Variants in KRT222 observed in about 807,000 individuals in gnomAD.
The protein encoded by KRT222 is keratin-like protein KRT222.
A neutral mutation model predicts 35.0 loss-of-function variants in KRT222; 23 were observed. The observed-to-expected ratio is 0.66, with a 90% CI of 0.47 to 0.93. The LOEUF is 0.93. Among genes scored for constraint, KRT222 ranks in the 40% least tolerant of loss-of-function variants. The probability of loss-of-function intolerance (pLI) is 0.00; values close to 1 mark genes in which losing one functional copy is unlikely to be tolerated. For synonymous variants in KRT222, 108 were observed against 118.8 expected (o/e 0.91, Z 0.59); for missense variants, 339 against 346.3 (o/e 0.98, Z 0.17).
At chr17:40,657,829 C>A in intron 3 of KRT222, 79 bp from the exon 4 acceptor site, 3 of 923,438 alleles carry the variant, frequency 3.2e-6, no homozygotes, top group South Asian at 3.0e-5. Flanking sequence ...ATGGATAAAT[C>A]GTATATTCAC....
intron 5 of KRT222, 80 bp downstream of exon 5, chr17:40,657,272 G>T: frequency 1.1e-6 from 1 of 918,052 alleles, no homozygotes; most frequent in Non-Finnish European, 1.5e-6. Flanking sequence ...AAACAAAGAA[G>T]AGTAATTACT....
Position 40,657,396 on chromosome 17 carries a change from A to T in KRT222, c.615T>A (p.Asn205Lys). The T allele has an allele frequency of 6.2e-7, 1 of 1,611,154 alleles. No individual in the cohort carries two copies. Among genetic ancestry groups the T allele is most frequent in the Non-Finnish European group, 8.5e-7 (1 of 1,178,872 alleles). ...CAGTGCTCTCCTTAACGATACTCCC[A>T]TTTAAGATTGCCTGTTTGGTTACTG... Reference protein sequence around the residue: ...VETVTKQAILNGSIVKESTEA... With the variant: ...VETVTKQAILKGSIVKESTEA... Residue 205 changes from asparagine to lysine, a missense_variant, in exon 5 of 6, where the codon AAT (asparagine) becomes AAA (lysine). By Grantham distance (94) the Asn-to-Lys change is moderately conservative. Transcript: ENST00000394052.
chr17:40,657,295 A>G, intron 5 of KRT222, 57 bp downstream of exon 5: 1 of 1,228,002 alleles, frequency 8.1e-7, no homozygotes, highest in Non-Finnish European at 1.1e-6. Context: ...GATTACGCAA[A>G]GTTAATTTCT....
intron 1 of KRT222, among the ~76,000 whole-genome samples, chr17:40,662,297 T>C (rs965371919): frequency 1.3e-5 from 2 of 152,222 alleles, no homozygotes; most frequent in African/African-American, 2.4e-5. Context: ...CTGTGAAATA[T>C]GGAAAAATAC....
intron 1 of KRT222, 109 bp downstream of exon 1, chr17:40,664,895 T>C: frequency 6.4e-7 from 1 of 1,561,858 alleles, no homozygotes; most frequent in Non-Finnish European, 8.6e-7. Flanking sequence ...CCCCAATAGA[T>C]GCTGCATCGA....
chr17:40,662,963 AC>A (rs1472731652), intron 1 of KRT222, among the ~76,000 whole-genome samples: 1 of 152,128 alleles, frequency 6.6e-6, no homozygotes, highest in Admixed American at 6.5e-5. Context: ...TTTTAAAAAA[AC>A]GTTGAAGTAA....
intron 1 of KRT222, among the ~76,000 whole-genome samples, chr17:40,664,128 T>G (rs1291488255): frequency 6.6e-6 from 1 of 152,198 alleles, no homozygotes; most frequent in East Asian, 1.9e-4. Context: ...AACTTTTTGC[T>G]GTATTTCAGG....
intron 1 of KRT222, among the ~76,000 whole-genome samples, chr17:40,662,568 A>G (rs1322335473): frequency 6.6e-6 from 1 of 152,246 alleles, no homozygotes; most frequent in Non-Finnish European, 1.5e-5. Context: ...GTTATAGGCA[A>G]TAAGGCTCAC....
intron 1 of KRT222, among the ~76,000 whole-genome samples, chr17:40,664,011 A>G (rs1235745390): frequency 6.6e-6 from 1 of 152,170 alleles, no homozygotes; most frequent in African/African-American, 2.4e-5. Flanking sequence ...AATGTTATCT[A>G]GAGGTGAAAT....
At chr17:40,660,798 C>T (rs2037378938) in intron 2 of KRT222, among the ~76,000 whole-genome samples, 1 of 149,350 alleles carries the variant, frequency 6.7e-6, no homozygotes, top group African/African-American at 2.5e-5. Context: ...TATTATCACT[C>T]TGAATTATCT....
chr17:40,658,491 A>G (rs2037360035), intron 3 of KRT222, among the ~76,000 whole-genome samples: 1 of 152,128 alleles, frequency 6.6e-6, no homozygotes, highest in African/African-American at 2.4e-5. Flanking sequence ...ACAATGTGCC[A>G]GGTATTGTTT....
chr17:40,662,181 T>C (rs1212458855), intron 1 of KRT222, 137 bp from the exon 2 acceptor site: 1 of 1,013,102 alleles, frequency 9.9e-7, no homozygotes, highest in Non-Finnish European at 1.4e-6. Flanking sequence ...TTATAATGTG[T>C]GTCCTAGTGC....
chr17:40,661,921 C>G lies in KRT222; in HGVS notation c.220G>C (p.Ala74Pro). 1 of 1,614,098 alleles carries G rather than the reference C, an allele frequency of 6.2e-7. No individual in the cohort carries two copies. Among genetic ancestry groups the G allele is most frequent in the Non-Finnish European group, 8.5e-7 (1 of 1,179,994 alleles). ...ACTTTTGGGATCATTCTCACCACAG[C>G]ATGGAGAGATTCAATTTCCACTTGC... ...HLQVEIESLH[A>P]VERGLENSLH... Residue 74 changes from alanine to proline, a missense_variant, in exon 2 of 6, where the codon GCT (alanine) becomes CCT (proline). Physicochemically the swap from Ala to Pro is conservative, Grantham distance 27 (BLOSUM62 -1). Coordinates refer to ENST00000394052, the MANE Select transcript of KRT222 (RefSeq NM_152349.3).
At chr17:40,657,578 T>TG in intron 4 of KRT222, 91 bp from the exon 5 acceptor site, 4 of 1,496,258 alleles carry the variant, frequency 2.7e-6, no homozygotes, top group Non-Finnish European at 3.6e-6. Flanking sequence ...TATTGCTTGT[T>TG]TTTTTTCGAC....
rs1332373419 is a variant in KRT222 at position 40,661,836 on chromosome 17, C to T, written c.225+80G>A. The T allele has an allele frequency of 3.3e-6, 5 of 1,505,980 alleles. No individual in the cohort carries two copies. In the South Asian group the frequency reaches 5.1e-5, roughly 15 times the overall value. 93.3% of individuals were successfully genotyped at this position (1,505,980 alleles called of 1,614,324 possible). On this transcript the variant is annotated intron_variant, in intron 2 of 5. Transcript: ENST00000394052. ...TTTCCAGTTTCTCATGGTAAATAAACAGACATTCATCTTTTCCTTCTCTTA... is the reference window on the plus strand; with the variant it reads ...TTTCCAGTTTCTCATGGTAAATAAATAGACATTCATCTTTTCCTTCTCTTA...
rs753728826 is a variant in KRT222 at position 40,656,650 on chromosome 17, C to T, written c.660-20G>A. On this transcript the variant is annotated intron_variant, in intron 5 of 5. Transcript: ENST00000394052. ...TCTGTCCTGAAATGATAAAATAAAC[C>T]TTTTAATAATGAAGAAGTATGGGTC... 2.1e-6 allele frequency: 3 copies of T among 1,411,046 alleles called. No homozygotes were observed. The highest frequency in any genetic ancestry group is 3.0e-6 in the Non-Finnish European group (3 of 1,000,546). 87.4% of individuals were successfully genotyped at this position (1,411,046 alleles called of 1,614,324 possible).
At chr17:40,661,533 T>C (rs191967910) in intron 2 of KRT222, among the ~76,000 whole-genome samples, 60 of 152,348 alleles carry the variant, frequency 3.9e-4, no homozygotes, top group Middle Eastern at 6.8e-3. Context: ...CCCAAAGTGC[T>C]GGGATTACAG....
At position 40,657,362 on chromosome 17, in the gene KRT222, C is replaced by A; in HGVS notation, c.649G>T (p.Gly217Cys). The A allele has an allele frequency of 6.3e-7, 1 of 1,591,018 alleles. No individual in the cohort carries two copies. Among genetic ancestry groups the A allele is most frequent in the Non-Finnish European group, 8.5e-7 (1 of 1,170,808 alleles). Residue 217 changes from glycine to cysteine, a missense_variant, in exon 5 of 6, where the codon GGC becomes TGC. By Grantham distance (159) the Gly-to-Cys change is radical. Coordinates refer to ENST00000394052, the MANE Select transcript of KRT222 (RefSeq NM_152349.3). ...AGTTTCTTTACTTACTGAATAGTGC[C>A]ATGAGCTTCAGTGCTCTCCTTAACG... ...SIVKESTEAH[G>C]TIQTEKVDEV...
chr17:40,657,921 T>C (rs2037356899), intron 3 of KRT222, among the ~76,000 whole-genome samples, 171 bp from the exon 4 acceptor site: 2 of 152,140 alleles, frequency 1.3e-5, no homozygotes, highest in African/African-American at 4.8e-5. Context: ...AAGAATAATA[T>C]TGAGTGAAAA....
Sources: gnomAD v4.1 joint callset for allele counts (sites outside exome capture counted in the v4.1 genomes callset) on GRCh38, gnomAD v4.1.1 for gene constraint, MANE v1.5 for transcripts, NCBI Gene and HGNC (gene_info 2026-07-23, HGNC 2026-07-21) for gene names.